The following UNG variants were observed in gnomAD, a reference collection of about 807,000 sequenced individuals.
UNG encodes uracil DNA glycosylase, also known as uracil-DNA glycosylase.
UNG carries 34 observed loss-of-function variants against 36.5 expected under a neutral mutation model. The ratio of observed to expected loss-of-function variants is 0.93; its 90% CI spans 0.71 to 1.24. UNG has a LOEUF of 1.24. Ranked by LOEUF, UNG falls within the 50% of genes most tolerant of loss-of-function variation. The pLI is 0.00. For synonymous variants in UNG, 172 were observed against 157.8 expected, an observed-to-expected ratio of 1.09 and a Z score of -0.67; for missense variants, 391 against 397.6, an observed-to-expected ratio of 0.98 and a Z score of 0.14.
At chr12:109,098,772 A>AG in intron 2 of UNG, 134 bp downstream of exon 2, 1 of 1,170,014 alleles carries the variant, frequency 8.5e-7, no homozygotes, top group Admixed American at 2.5e-5. Flanking sequence ...TTACTCACAA[A>AG]GGGGGTAAAA....
chr12:109,098,086 G>C, intron 1 of UNG: 1 of 1,388,052 alleles, frequency 7.2e-7, no homozygotes, highest in Non-Finnish European at 9.3e-7. Flanking sequence ...AGGGGAGAGG[G>C]GGCGGGACCC....
At chr12:109,105,750 G>T (rs953171015) in intron 6 of UNG, among the ~76,000 whole-genome samples, 4 of 152,142 alleles carry the variant, frequency 2.6e-5, no homozygotes, top group East Asian at 3.9e-4. Flanking sequence ...CAGTCAGTCA[G>T]TCATTCATAT....
Position 109,099,244 on chromosome 12 carries a change from A to C in UNG, c.395A>C (p.His132Pro). Reference sequence around the variant, plus strand: ...CATTACACTGTTTATCCACCCCCACACCAAGTCTTCACCTGGACCCAGATG... The same window carrying C: ...CATTACACTGTTTATCCACCCCCACCCCAAGTCTTCACCTGGACCCAGATG... Reference protein sequence around the residue: ...RKHYTVYPPPHQVFTWTQMCD... With the variant: ...RKHYTVYPPPPQVFTWTQMCD... Residue 132 changes from histidine (H) to proline (P), a missense_variant, in exon 3 of 7, where the codon CAC (histidine) becomes CCC (proline). By Grantham distance (77) the His-to-Pro change is moderately conservative. Transcript: ENST00000242576. 1 of 1,614,150 alleles carries C rather than the reference A, an allele frequency of 6.2e-7. No individual in the cohort carries two copies. Among genetic ancestry groups the C allele is most frequent in the Non-Finnish European group, 8.5e-7 (1 of 1,180,022 alleles).
intron 6 of UNG, among the ~76,000 whole-genome samples, chr12:109,105,443 G>C (rs775680453): frequency 1.3e-5 from 2 of 152,136 alleles, no homozygotes; most frequent in Non-Finnish European, 2.9e-5. Context: ...TCATGGTTTG[G>C]TCTGAAAGTA....
In UNG at chr12:109,109,778, AAAAT is replaced by A. The variant is rs774041358; in HGVS notation, c.802-50_802-47del. The A allele has an allele frequency of 5.0e-6, 8 of 1,602,106 alleles. No homozygotes were observed. The African/African-American group carries it at 9.6e-5, about 19-fold the overall frequency. On this transcript the variant is annotated intron_variant, in intron 6 of 6. Coordinates refer to ENST00000242576, the MANE Select transcript of UNG (RefSeq NM_080911.3). ...GACTCTGTCTCAAAAAAAAAAAAAAAAAATTTAAAAAGTCCCAAATCTGCCACCA... is the reference window on the plus strand; with the variant it reads ...GACTCTGTCTCAAAAAAAAAAAAAAATTAAAAAGTCCCAAATCTGCCACCA...
chr12:109,098,583 G>A lies in UNG; in HGVS notation c.284G>A (p.Gly95Glu). ...LAARNVPVGF[G>E]ESWKKHLSGE... ...GCCCGCAACGTGCCCGTGGGCTTTG[G>A]AGAGAGCTGGAAGAAGCACCTCAGC... The change falls in exon 2 of 7, where the codon GGA (glycine) becomes GAA (glutamate). Residue 95 changes from glycine (G) to glutamate (E), a missense_variant. By Grantham distance (98) the Gly-to-Glu change is moderately conservative (BLOSUM62 -2). Coordinates refer to ENST00000242576, the MANE Select transcript of UNG (RefSeq NM_080911.3). 6.2e-7 allele frequency: 1 copy of A among 1,613,510 alleles called. No individual in the cohort carries two copies.
chr12:109,097,603 T>C lies in UNG; in HGVS notation c.-77T>C. On this transcript the variant is annotated 5_prime_UTR_variant, in exon 1 of 7. Coordinates refer to ENST00000242576, the MANE Select transcript of UNG (RefSeq NM_080911.3). ...GCGCGGGCCGCTTGGCGCCAATTGC[T>C]GACCGCCACAGCCACAGCCAGGGCT... 6.4e-7 allele frequency: 1 copy of C among 1,558,880 alleles called. No homozygotes were observed.
Position 109,098,589 on chromosome 12 carries a change from G to C in UNG, c.290G>C (p.Ser97Thr), listed in dbSNP as rs139936609. The stretch of plus-strand genomic sequence containing the variant: ...AACGTGCCCGTGGGCTTTGGAGAGA[G>C]CTGGAAGAAGCACCTCAGCGGGGAG... ...ARNVPVGFGE[S>T]WKKHLSGEFG... The change falls in exon 2 of 7, where the codon AGC becomes ACC. Residue 97 changes from serine (S) to threonine (T), a missense_variant. Ser to Thr is a moderately conservative substitution (Grantham distance 58, BLOSUM62 1). Coordinates refer to ENST00000242576, the MANE Select transcript of UNG (RefSeq NM_080911.3). The C allele has an allele frequency of 1.9e-6, 3 of 1,613,554 alleles. No individual in the cohort carries two copies. The South Asian group carries it at 3.3e-5, about 18-fold the overall frequency.
Position 109,097,764 on chromosome 12 carries a change from C to G in UNG, c.85C>G (p.Gln29Glu). Residue 29 changes from glutamine to glutamate, a missense_variant, in exon 1 of 7, where the codon CAG becomes GAG. Gln to Glu is a conservative substitution (Grantham distance 29). Coordinates refer to ENST00000242576, the MANE Select transcript of UNG (RefSeq NM_080911.3). ...CGCCCCCAGCCCCGAGCCGGCCGTC[C>G]AGGGGACCGGCGTGGCTGGGGTGCC... is the stretch of plus-strand genomic sequence containing the variant. ...RHAPSPEPAVQGTGVAGVPEE... is the reference protein window; with the variant it reads ...RHAPSPEPAVEGTGVAGVPEE... 6.4e-7 allele frequency: 1 copy of G among 1,568,726 alleles called. No homozygotes were observed. The highest frequency in any genetic ancestry group is 8.6e-7 in the Non-Finnish European group (1 of 1,156,722).
chr12:109,104,699 A>G (rs2042203544), intron 6 of UNG, among the ~76,000 whole-genome samples: 1 of 151,848 alleles, frequency 6.6e-6, no homozygotes, highest in South Asian at 2.1e-4. Context: ...AGGGAGAGAT[A>G]GGGGGTGGGA....
At position 109,110,630 on chromosome 12, in the gene UNG, C is replaced by T. The variant is rs1949444279; in HGVS notation, c.*661C>T. 6.5e-6 allele frequency: 1 copy of T among 152,772 alleles called. No individual in the cohort carries two copies. The highest frequency in any genetic ancestry group is 2.4e-5 in the African/African-American group (1 of 41,204). The allele number at this position is 152,772 out of a possible 1,614,324, so 9.5% of individuals were successfully genotyped here. ...ATTCCTTGGGTGTTGGTGGAATAAG[C>T]AGTGGAATTTGAACAAGGAAGAGGA... On this transcript the variant is annotated 3_prime_UTR_variant, in exon 7 of 7. Transcript: ENST00000242576.
At chr12:109,099,165 A>C (rs2042157960) in intron 2 of UNG, 24 bp from the exon 3 acceptor site, 1 of 1,597,930 alleles carries the variant, frequency 6.3e-7, no homozygotes, top group Non-Finnish European at 8.6e-7. Flanking sequence ...ATCTGATTTT[A>C]AGTCTAGTTT....
At chr12:109,103,250 C>G (rs2042191580) in intron 5 of UNG, among the ~76,000 whole-genome samples, 183 bp from the exon 6 acceptor site, 1 of 152,158 alleles carries the variant, frequency 6.6e-6, no homozygotes, top group East Asian at 1.9e-4. Flanking sequence ...GCCACCACGC[C>G]CAGCCCCGAC....
chr12:109,109,973 TC>T lies in UNG; in HGVS notation c.*5del. ...CATTGACTGGAAGGAGCTGTGATCA[TC>T]AGCTGAGGGGTGGCCTTTGAGAAGC... On this transcript the variant is annotated 3_prime_UTR_variant, in exon 7 of 7. Transcript: ENST00000242576. The T allele has an allele frequency of 1.2e-6, 2 of 1,614,086 alleles. No individual in the cohort carries two copies. The highest frequency in any genetic ancestry group is 1.7e-6 in the Non-Finnish European group (2 of 1,180,008).
At position 109,097,671 on chromosome 12, in the gene UNG, A is replaced by C. The variant is rs747375477; in HGVS notation, c.-9A>C. On this transcript the variant is annotated 5_prime_UTR_variant, in exon 1 of 7. Coordinates refer to ENST00000242576, the MANE Select transcript of UNG (RefSeq NM_080911.3). ...GGTGGCGCGCGTTCGCTGCCTCCTC[A>C]GCTCCAGGATGATCGGCCAGAAGAC... The C allele has an allele frequency of 6.2e-7, 1 of 1,604,608 alleles. No homozygotes were observed. The highest frequency in any genetic ancestry group is 1.7e-5 in the Admixed American group (1 of 59,330).
At chr12:109,098,748 C>G in intron 2 of UNG, 110 bp downstream of exon 2, 1 of 1,387,894 alleles carries the variant, frequency 7.2e-7, no homozygotes, top group East Asian at 2.4e-5. Flanking sequence ...AGGTTGTACC[C>G]CCTTCAACCT....
At chr12:109,104,055 G>GGTTTTT (rs2042198824) in intron 6 of UNG, among the ~76,000 whole-genome samples, 1 of 148,140 alleles carries the variant, frequency 6.8e-6, no homozygotes, top group African/African-American at 2.6e-5. Context: ...TTGTTTCTGG[G>GGTTTTT]TTTTTTGTTT....
Position 109,098,440 on chromosome 12 carries a change from A to T in UNG, c.141A>T (p.Pro47=). The T allele has an allele frequency of 6.2e-7, 1 of 1,608,446 alleles. No individual in the cohort carries two copies. The highest frequency in any genetic ancestry group is 2.2e-5 in the East Asian group (1 of 44,810). Residue 47 remains proline, a synonymous_variant, in exon 2 of 7, where the codon CCA becomes CCT. Transcript: ENST00000242576. The part of the protein sequence containing the change: ...PEESGDAAAI[P]AKKAPAGQEE... Reference sequence around the variant, plus strand: ...GCGGGGACCACTTGCAGGCCATCCCAGCCAAGAAGGCCCCGGCTGGGCAGG... The same window carrying T: ...GCGGGGACCACTTGCAGGCCATCCCTGCCAAGAAGGCCCCGGCTGGGCAGG...
rs867007632 is a variant in UNG at position 109,098,204 on chromosome 12, G to C, written c.133-228G>C. 195 of 1,439,620 alleles carry C rather than the reference G, an allele frequency of 1.4e-4. 2 individuals carry two copies. The Middle Eastern group carries it at 1.6e-3, about 11-fold the overall frequency. The allele number at this position is 1,439,620 out of a possible 1,614,324, so 89.2% of individuals were successfully genotyped here. A position where few individuals can be genotyped will look rare whatever the true frequency, so the allele number is the denominator to read the frequency against. ...GTTCCCAGTCACCGCGACGCTCCTCGGGAAGCCATAGGGCGCCTCCCAGCC... is the reference window on the plus strand; with the variant it reads ...GTTCCCAGTCACCGCGACGCTCCTCCGGAAGCCATAGGGCGCCTCCCAGCC... On this transcript the variant is annotated intron_variant, in intron 1 of 6. Coordinates refer to ENST00000242576, the MANE Select transcript of UNG (RefSeq NM_080911.3).
Sources: allele counts gnomAD v4.1 joint callset (sites outside exome capture counted in the v4.1 genomes callset), GRCh38; gene constraint gnomAD v4.1.1; transcripts MANE v1.5; gene names NCBI Gene and HGNC (gene_info 2026-07-23, HGNC 2026-07-21).